Variants in NCOA7 observed in about 807,000 individuals in gnomAD.
The protein encoded by NCOA7 is 140 kDa estrogen receptor-associated protein.
A neutral mutation model predicts 104.3 loss-of-function variants in NCOA7; 45 were observed. The ratio of observed to expected loss-of-function variants is 0.43; its 90% CI spans 0.34 to 0.55. The LOEUF (loss-of-function observed/expected upper bound fraction) is 0.55, where lower values mean the gene tolerates loss of function less well. Ranked by LOEUF, NCOA7 falls within the 20% of genes least tolerant of loss-of-function variation. NCOA7 has a pLI of 0.02. For missense variants in NCOA7, 1,041 were observed against 1,119.7 expected, an observed-to-expected ratio of 0.93 and a Z score of 1.00; for synonymous variants, 398 against 402.3, an observed-to-expected ratio of 0.99 and a Z score of 0.13.
intron 1 of NCOA7, among the ~76,000 whole-genome samples, chr6:125,792,800 G>A (rs758366933): frequency 6.6e-5 from 10 of 151,384 alleles, no homozygotes; most frequent in Non-Finnish European, 8.8e-5. Context: ...GAAAAACAAG[G>A]TTAACTGCAT....
At chr6:125,850,558 G>A (rs1403918353) in intron 2 of NCOA7, among the ~76,000 whole-genome samples, 1 of 152,100 alleles carries the variant, frequency 6.6e-6, no homozygotes, top group South Asian at 2.1e-4. Context: ...CAGTGCTGCC[G>A]TTCATCAAAG....
intron 2 of NCOA7, among the ~76,000 whole-genome samples, chr6:125,838,298 G>T (rs1043730972): frequency 6.6e-6 from 1 of 152,150 alleles, no homozygotes; most frequent in Non-Finnish European, 1.5e-5. Flanking sequence ...TATGGGGAAG[G>T]AAAGAAGAGG....
At chr6:125,797,770 G>C (rs1419387340) in intron 1 of NCOA7, 1 of 152,206 alleles carries the variant, frequency 6.6e-6, no homozygotes, top group African/African-American at 2.4e-5. Flanking sequence ...GTTTACAGCT[G>C]AGCCCTCATC....
chr6:125,914,054 T>A (rs142881381), intron 10 of NCOA7, among the ~76,000 whole-genome samples: 1,625 of 152,338 alleles, frequency 0.011, 18 homozygotes, highest in Non-Finnish European at 0.018. Context: ...GCAGGATGAA[T>A]CACAAGCTAT....
At chr6:125,782,993 C>T (rs1774294977) in intron 1 of NCOA7, among the ~76,000 whole-genome samples, 2 of 152,052 alleles carry the variant, frequency 1.3e-5, no homozygotes, top group Admixed American at 1.3e-4. Context: ...ATGTGATGTG[C>T]AAAAGACTCA....
intron 3 of NCOA7, among the ~76,000 whole-genome samples, chr6:125,867,440 C>G (rs1431667006): frequency 6.6e-6 from 1 of 152,164 alleles, no homozygotes; most frequent in African/African-American, 2.4e-5. Context: ...GAGCTCATCT[C>G]AGTTTATACA....
intron 1 of NCOA7, among the ~76,000 whole-genome samples, chr6:125,808,233 G>C (rs1041248991): frequency 6.6e-6 from 1 of 152,030 alleles, no homozygotes; most frequent in Non-Finnish European, 1.5e-5. Flanking sequence ...CTGCATTCAC[G>C]GTCTGGGAAA....
At chr6:125,832,893 C>T (rs1265697076) in intron 2 of NCOA7, among the ~76,000 whole-genome samples, 3 of 152,194 alleles carry the variant, frequency 2.0e-5, no homozygotes, top group Non-Finnish European at 2.9e-5. Context: ...TGGGACATCG[C>T]CACACTGTTG....
chr6:125,890,498 T>G, intron 9 of NCOA7, 144 bp from the exon 10 acceptor site: 1 of 769,868 alleles, frequency 1.3e-6, no homozygotes, highest in Non-Finnish European at 1.9e-6. Context: ...CTTGAAAAAT[T>G]TATTAGTCCT....
In NCOA7 at chr6:125,911,891, A is replaced by G. The variant is rs377204153; in HGVS notation, c.2097-3442A>G. ...CGGTTTGTTCATCTCCTGCAAAAAC[A>G]CAAGCATACCCTCTCCCCCACGTTA... On this transcript the variant is annotated intron_variant, in intron 10 of 15. Transcript: ENST00000392477. Among the ~76,000 whole-genome samples the G allele has an allele frequency of 1.1e-3, 161 of 152,314 alleles. 4 individuals carry two copies. The South Asian group carries it at 0.033, about 31-fold the overall frequency.
chr6:125,795,012 A>G (rs1775179496), intron 1 of NCOA7, among the ~76,000 whole-genome samples: 1 of 152,192 alleles, frequency 6.6e-6, no homozygotes, highest in Non-Finnish European at 1.5e-5. Context: ...TCTTTTATTT[A>G]CCATGAAATT....
At chr6:125,898,253 T>C (rs1350110516) in intron 10 of NCOA7, among the ~76,000 whole-genome samples, 3 of 152,228 alleles carry the variant, frequency 2.0e-5, no homozygotes, top group Non-Finnish European at 2.9e-5. Context: ...CTATGGGTGC[T>C]AAGCTTCATT....
At chr6:125,790,106 G>A (rs896897617), upstream of NCOA7, among the ~76,000 whole-genome samples, 1 of 152,216 alleles carries the variant, frequency 6.6e-6, no homozygotes, top group Non-Finnish European at 1.5e-5. Context: ...TCTTATTGCT[G>A]TAATGACTGC....
chr6:125,823,637 A>G (rs554393579), intron 2 of NCOA7, among the ~76,000 whole-genome samples: 2 of 152,334 alleles, frequency 1.3e-5, no homozygotes, highest in Admixed American at 6.5e-5. Context: ...TCAGGAAATC[A>G]TTAACTTTTT....
intron 3 of NCOA7, among the ~76,000 whole-genome samples, chr6:125,871,125 C>T (rs1317190031): frequency 3.9e-5 from 6 of 152,134 alleles, no homozygotes; most frequent in Non-Finnish European, 5.9e-5. Context: ...GATACTTTTG[C>T]GTCATTTGCC....
At chr6:125,881,944 C>T (rs1401246297) in intron 6 of NCOA7, among the ~76,000 whole-genome samples, 3 of 152,142 alleles carry the variant, frequency 2.0e-5, no homozygotes, top group African/African-American at 7.2e-5. Context: ...ACCTCCGCCT[C>T]CTAGTTTCAA....
intron 1 of NCOA7, among the ~76,000 whole-genome samples, chr6:125,782,891 G>A (rs914891810): frequency 6.6e-6 from 1 of 152,204 alleles, no homozygotes. Context: ...TTTTGAGATG[G>A]AGATTATCCT....
intron 2 of NCOA7, among the ~76,000 whole-genome samples, chr6:125,837,826 A>T (rs1011716308): frequency 1.3e-5 from 2 of 152,224 alleles, no homozygotes; most frequent in Non-Finnish European, 2.9e-5. Flanking sequence ...TATACTATTT[A>T]AAAATGGAAA....
chr6:125,806,404 A>T (rs1776457393), intron 1 of NCOA7, among the ~76,000 whole-genome samples: 1 of 152,220 alleles, frequency 6.6e-6, no homozygotes, highest in African/African-American at 2.4e-5. Context: ...TGTTATTCAG[A>T]TGAATCACAG....
Sources: gnomAD v4.1 joint callset for allele counts (sites outside exome capture counted in the v4.1 genomes callset) on GRCh38, gnomAD v4.1.1 for gene constraint, MANE v1.5 for transcripts, NCBI Gene and HGNC (gene_info 2026-07-23, HGNC 2026-07-21) for gene names.